The following ZBTB44 variants were observed in gnomAD, a reference collection of about 807,000 sequenced individuals.
ZBTB44 encodes zinc finger and BTB domain containing 44, also known as zinc finger and BTB domain-containing protein 44.
Under a neutral mutation model 54.0 loss-of-function variants are expected in ZBTB44, and 15 were observed. The ratio of observed to expected loss-of-function variants is 0.28; its 90% CI spans 0.19 to 0.43. The LOEUF (loss-of-function observed/expected upper bound fraction) is 0.43, where lower values mean the gene tolerates loss of function less well. Among genes scored for constraint, ZBTB44 ranks in the 20% least tolerant of loss-of-function variants. The probability of loss-of-function intolerance (pLI) is 1.00; values close to 1 mark genes in which losing one functional copy is unlikely to be tolerated. For missense variants in ZBTB44, 487 were observed against 707.1 expected (o/e 0.69, Z 3.53); for synonymous variants, 230 against 250.1 (o/e 0.92, Z 0.76).
At chr11:130,304,086 C>G (rs773972698) in intron 1 of ZBTB44, among the ~76,000 whole-genome samples, 1 of 152,120 alleles carries the variant, frequency 6.6e-6, no homozygotes, top group African/African-American at 2.4e-5. Flanking sequence ...TTTTTAAAGG[C>G]ACACATACAA....
At chr11:130,256,526 A>T (rs530081196) in intron 2 of ZBTB44, among the ~76,000 whole-genome samples, 1 of 152,144 alleles carries the variant, frequency 6.6e-6, no homozygotes, top group South Asian at 2.1e-4. Context: ...AAATACAAAA[A>T]TTAGCTGGGT....
At chr11:130,313,188 T>C (rs770834462) in intron 1 of ZBTB44, among the ~76,000 whole-genome samples, 1 of 152,214 alleles carries the variant, frequency 6.6e-6, no homozygotes, top group East Asian at 1.9e-4. Context: ...ACTATCTTAC[T>C]AGTTGTGTGC....
intron 1 of ZBTB44, among the ~76,000 whole-genome samples, chr11:130,306,116 C>T (rs1242041371): frequency 1.3e-5 from 2 of 152,108 alleles, no homozygotes; most frequent in Non-Finnish European, 2.9e-5. Context: ...TAAATATTGG[C>T]ATGACTGTGG....
rs1555167100 is a variant in ZBTB44, at chr11:130,255,919, A to AAAC, written c.1018+4934_1018+4936dup. On this transcript the variant is annotated intron_variant, in intron 2 of 7. Coordinates refer to ENST00000357899, the MANE Select transcript of ZBTB44 (RefSeq NM_001301098.2). Reference sequence around the variant, plus strand: ...ACCTCAAAAAAAAAAAAAAAAAAAAAAACACCCCTTCATGCTATAAACTCT... The same window carrying AAAC: ...ACCTCAAAAAAAAAAAAAAAAAAAAAAACAACACCCCTTCATGCTATAAACTCT... Among the ~76,000 whole-genome samples the AAAC allele has an allele frequency of 4.1e-3, 532 of 131,288 alleles. 21 individuals are homozygous for AAAC. The highest frequency in any genetic ancestry group is 0.014 in the African/African-American group (472 of 34,724). 86.1% of individuals were successfully genotyped at this position (131,288 alleles called of 152,430 possible). A position where few individuals can be genotyped will look rare whatever the true frequency, so the allele number is the denominator to read the frequency against.
intron 1 of ZBTB44, among the ~76,000 whole-genome samples, chr11:130,273,450 C>T (rs888987770): frequency 3.3e-5 from 5 of 151,672 alleles, no homozygotes; most frequent in Admixed American, 1.3e-4. Context: ...GCTGGGACTA[C>T]GGGCATGGGC....
intron 1 of ZBTB44, among the ~76,000 whole-genome samples, chr11:130,281,388 C>T (rs1228287911): frequency 1.3e-5 from 2 of 151,926 alleles, no homozygotes; most frequent in African/African-American, 4.8e-5. Flanking sequence ...GGTGTGGTAA[C>T]ATAAGCCTGT....
At chr11:130,254,417 T>C (rs1403264030) in intron 2 of ZBTB44, among the ~76,000 whole-genome samples, 7 of 152,150 alleles carry the variant, frequency 4.6e-5, no homozygotes, top group Non-Finnish European at 1.0e-4. Flanking sequence ...GGGAGAAGGA[T>C]ATGAACAGAC....
In ZBTB44 at chr11:130,261,028, A is replaced by T; in HGVS notation, c.846T>A (p.Gly282=). The part of the protein sequence containing the change: ...CESTKTTLPL[G]TEEDVRVKVE... ...CTTTGACCCGGACATCTTCTTCGGTACCTAAAGGCAAGGTAGTTTTTGTGC... is the reference window on the plus strand; with the variant it reads ...CTTTGACCCGGACATCTTCTTCGGTTCCTAAAGGCAAGGTAGTTTTTGTGC... Residue 282 remains glycine, a synonymous_variant, in exon 2 of 8, where the codon GGT becomes GGA. Coordinates refer to ENST00000357899, the MANE Select transcript of ZBTB44 (RefSeq NM_001301098.2). This position sits in a 1 kb window ranked among gnomAD's most constrained non-coding sequence, Gnocchi z 4.8. 6.2e-7 allele frequency: 1 copy of T among 1,613,980 alleles called. No homozygotes were observed. Among genetic ancestry groups the T allele is most frequent in the Non-Finnish European group, 8.5e-7 (1 of 1,179,882 alleles).
intron 1 of ZBTB44, among the ~76,000 whole-genome samples, chr11:130,313,134 C>T (rs372009688): frequency 6.6e-6 from 1 of 151,978 alleles, no homozygotes; most frequent in African/African-American, 2.4e-5. Flanking sequence ...AGAAAGTACA[C>T]GAAAGTACAT....
chr11:130,271,194 G>A (rs1015512654), intron 1 of ZBTB44, among the ~76,000 whole-genome samples: 1 of 152,094 alleles, frequency 6.6e-6, no homozygotes, highest in Non-Finnish European at 1.5e-5. Context: ...ATTATAAATA[G>A]TTAAAGGAAA....
At chr11:130,257,639 T>C (rs1033842253) in intron 2 of ZBTB44, among the ~76,000 whole-genome samples, 1 of 152,178 alleles carries the variant, frequency 6.6e-6, no homozygotes, top group Admixed American at 6.5e-5. Flanking sequence ...CCTCTGACTA[T>C]GAGAGAATAA....
chr11:130,257,830 T>C (rs574313160), intron 2 of ZBTB44, among the ~76,000 whole-genome samples: 5 of 152,190 alleles, frequency 3.3e-5, no homozygotes, highest in Admixed American at 1.3e-4. Context: ...AACCTGAATA[T>C]AGGTATTCCC....
intron 6 of ZBTB44, chr11:130,233,854 T>TAA: frequency 1.7e-6 from 2 of 1,179,086 alleles, no homozygotes; most frequent in African/African-American, 3.2e-5. Context: ...GCTCAGAAAG[T>TAA]AAAAAGGGAA....
intron 1 of ZBTB44, among the ~76,000 whole-genome samples, chr11:130,304,488 A>G (rs1179182942): frequency 6.6e-6 from 1 of 152,216 alleles, no homozygotes; most frequent in Middle Eastern, 3.2e-3. Context: ...TTTCAGTGAT[A>G]AAAGACTAGG....
chr11:130,309,652 C>T (rs1032454123), intron 1 of ZBTB44, among the ~76,000 whole-genome samples: 4 of 151,886 alleles, frequency 2.6e-5, no homozygotes, highest in African/African-American at 9.7e-5. Context: ...GATTACACTT[C>T]AGGAGGCCGA....
chr11:130,311,334 G>A (rs1029848872), intron 1 of ZBTB44, among the ~76,000 whole-genome samples: 3 of 151,952 alleles, frequency 2.0e-5, no homozygotes, highest in African/African-American at 7.3e-5. Flanking sequence ...TCAGCCTCCT[G>A]AGCAGCTGGG....
intron 1 of ZBTB44, among the ~76,000 whole-genome samples, chr11:130,266,312 C>T (rs1382707025): frequency 6.6e-6 from 1 of 152,178 alleles, no homozygotes; most frequent in Non-Finnish European, 1.5e-5. Context: ...CACAAGACTG[C>T]TTTCAGTATA....
chr11:130,269,095 G>A lies in ZBTB44; in HGVS notation c.-56-7166C>T, dbSNP rs544219069. On this transcript the variant is annotated intron_variant, in intron 1 of 7. Coordinates refer to ENST00000357899, the MANE Select transcript of ZBTB44 (RefSeq NM_001301098.2). The stretch of plus-strand genomic sequence containing the variant: ...CACCTGAGGTCAGGGGTCAAGACCA[G>A]CCTGGCCAACATGGTGAAACCCCAT... Among the ~76,000 whole-genome samples, 18 of 150,990 alleles carry A rather than the reference G, an allele frequency of 1.2e-4. 1 individual carries two copies. In the South Asian group the frequency reaches 3.4e-3, roughly 29 times the overall value.
At chr11:130,296,946 C>T (rs549004762) in intron 1 of ZBTB44, 3 of 742,218 alleles carry the variant, frequency 4.0e-6, no homozygotes, top group South Asian at 1.5e-5. Flanking sequence ...GCAGAAAAAG[C>T]GAGGAGGTGG....
Sources: allele counts gnomAD v4.1 joint callset (sites outside exome capture counted in the v4.1 genomes callset), GRCh38; gene constraint gnomAD v4.1.1; non-coding constraint Gnocchi (gnomAD v3.1); transcripts MANE v1.5; gene names NCBI Gene and HGNC (gene_info 2026-07-23, HGNC 2026-07-21).